Variants in PLXNC1 observed in about 807,000 individuals in gnomAD.
PLXNC1 encodes plexin-C1.
In PLXNC1, 75 loss-of-function variants were observed where a neutral mutation model predicts 178.2. That is an observed-to-expected ratio of 0.42 (90% CI 0.35 to 0.51). PLXNC1 has a LOEUF of 0.51. Ranked by LOEUF, PLXNC1 falls within the 20% of genes least tolerant of loss-of-function variation. The probability of loss-of-function intolerance (pLI) is 0.02; values close to 1 mark genes in which losing one functional copy is unlikely to be tolerated. For synonymous variants in PLXNC1, 790 were observed against 779.9 expected, an observed-to-expected ratio of 1.01 and a Z score of -0.22; for missense variants, 1,503 against 1,984.4, an observed-to-expected ratio of 0.76 and a Z score of 4.61.
chr12:94,295,749 A>G (rs778751478), intron 24 of PLXNC1, among the ~76,000 whole-genome samples: 1 of 152,120 alleles, frequency 6.6e-6, no homozygotes, highest in African/African-American at 2.4e-5. Context: ...CTATAAGTTC[A>G]TGGTACCCAA....
At chr12:94,218,523 C>T (rs1963707177) in intron 5 of PLXNC1, among the ~76,000 whole-genome samples, 2 of 152,150 alleles carry the variant, frequency 1.3e-5, no homozygotes, top group African/African-American at 2.4e-5. Context: ...ACTTAGCGCT[C>T]ATTCCCATCA....
rs1592785068 is a variant in PLXNC1, at chr12:94,226,371, G to A, written c.1791-234G>A. Reference sequence around the variant, plus strand: ...TTGGGTTCCTATTATCTACAGACCAGCAGGTGACCCAGCTTCAGGTTTCCA... The same window carrying A: ...TTGGGTTCCTATTATCTACAGACCAACAGGTGACCCAGCTTCAGGTTTCCA... On this transcript the variant is annotated intron_variant, in intron 7 of 30. Transcript: ENST00000258526. 1.7e-5 allele frequency: 8 copies of A among 457,152 alleles called. No homozygotes were observed. In the East Asian group the frequency reaches 3.4e-4, roughly 19 times the overall value. 28.3% of individuals were successfully genotyped at this position (457,152 alleles called of 1,614,324 possible).
Position 94,248,041 on chromosome 12 carries a change from G to A in PLXNC1, c.2527G>A (p.Asp843Asn). 1 of 1,614,100 alleles carries A rather than the reference G, an allele frequency of 6.2e-7. No individual in the cohort carries two copies. Among genetic ancestry groups the A allele is most frequent in the Non-Finnish European group, 8.5e-7 (1 of 1,179,972 alleles). ...TTGTGGAACCCTGCAGTATCGGGAG[G>A]ACCCCAGATTCACGGGGTATCGGGT... ...LDCGTLQYRE[D>N]PRFTGYRVES... The change falls in exon 13 of 31, where the codon GAC becomes AAC. Residue 843 changes from aspartate to asparagine, a missense_variant. This residue lies in a region of PLXNC1 where 639 missense variants were observed against 979.7 expected (regional missense o/e 0.65). Coordinates refer to ENST00000258526, the MANE Select transcript of PLXNC1 (RefSeq NM_005761.3).
chr12:94,280,601 T>C (rs2136139072), intron 22 of PLXNC1, among the ~76,000 whole-genome samples: 1 of 152,302 alleles, frequency 6.6e-6, no homozygotes. Flanking sequence ...CTTCCTTCCT[T>C]GGGTGACCGT....
At chr12:94,216,257 A>G (rs1202655284) in intron 5 of PLXNC1, among the ~76,000 whole-genome samples, 1 of 114,674 alleles carries the variant, frequency 8.7e-6, no homozygotes, top group Non-Finnish European at 1.9e-5. Context: ...GACAAGAGCA[A>G]AACTGTGTCT....
At chr12:94,262,539 C>T (rs1965021302) in intron 20 of PLXNC1, 2 of 985,452 alleles carry the variant, frequency 2.0e-6, no homozygotes, top group Non-Finnish European at 2.4e-6. Flanking sequence ...GATTCAAGAG[C>T]GTCTCGAGCA....
chr12:94,240,779 C>T (rs1006709737), intron 11 of PLXNC1, 115 bp downstream of exon 11: 56 of 815,054 alleles, frequency 6.9e-5, no homozygotes, highest in South Asian at 5.8e-4. Flanking sequence ...TTCCTCTCAC[C>T]GAGTTCTCCT....
chr12:94,196,333 G>A (rs968887221), intron 4 of PLXNC1, among the ~76,000 whole-genome samples: 1 of 152,132 alleles, frequency 6.6e-6, no homozygotes, highest in East Asian at 1.9e-4. Flanking sequence ...GCAATAGTGA[G>A]CGAGTTCTCA....
chr12:94,298,724 C>CT lies in PLXNC1; in HGVS notation c.4172dup (p.Leu1391PhefsTer6). 2 of 1,612,700 alleles carry CT rather than the reference C, an allele frequency of 1.2e-6. No individual in the cohort carries two copies. Among genetic ancestry groups the CT allele is most frequent in the Non-Finnish European group, 8.5e-7 (1 of 1,179,678 alleles). On this transcript the variant is annotated frameshift_variant, in exon 27 of 31. Transcript: ENST00000258526. LOFTEE classifies it high-confidence loss of function. ...CATTTGCTATAAAATACTTTTTTGA[C>CT]TTTTTGGACGCCCAGGCTGAAAACA... is the stretch of plus-strand genomic sequence containing the variant.
At position 94,149,395 on chromosome 12, in the gene PLXNC1, C is replaced by G; in HGVS notation, c.424C>G (p.Leu142Val). 2 of 1,432,480 alleles carry G rather than the reference C, an allele frequency of 1.4e-6. No homozygotes were observed. The highest frequency in any genetic ancestry group is 1.8e-6 in the Non-Finnish European group (2 of 1,103,286). 88.7% of individuals were successfully genotyped at this position (1,432,480 alleles called of 1,614,324 possible). A position where few individuals can be genotyped will look rare whatever the true frequency, so the allele number is the denominator to read the frequency against. Residue 142 changes from leucine (L) to valine (V), a missense_variant, in exon 1 of 31, where the codon CTG becomes GTG. Around this residue, in one of 4 missense-constraint regions of PLXNC1, gnomAD observed 73 missense variants for 125.4 expected, o/e 0.58. Transcript: ENST00000258526. ...CTGCGAGGTGCGGCCCCTGGGCAAC[C>G]TGAGCCGCAACTCCCTGCGCAACGG... The part of the protein sequence containing the change: ...GACEVRPLGN[L>V]SRNSLRNGTE...
At chr12:94,210,129 T>C (rs1384221405) in intron 5 of PLXNC1, among the ~76,000 whole-genome samples, 2 of 152,262 alleles carry the variant, frequency 1.3e-5, no homozygotes, top group African/African-American at 2.4e-5. Context: ...CTTATCCTAA[T>C]GTGTTGAGGC....
At chr12:94,262,790 G>T (rs907470602) in intron 20 of PLXNC1, 1 of 984,350 alleles carries the variant, frequency 1.0e-6, no homozygotes, top group Non-Finnish European at 1.2e-6. Flanking sequence ...AGACACCAAG[G>T]ATTTGTGGGT....
At chr12:94,229,797 G>A (rs531196539) in intron 9 of PLXNC1, among the ~76,000 whole-genome samples, 1 of 152,142 alleles carries the variant, frequency 6.6e-6, no homozygotes, top group African/African-American at 2.4e-5. Flanking sequence ...GATTACTGTA[G>A]CTTTGTAAAG....
intron 4 of PLXNC1, among the ~76,000 whole-genome samples, chr12:94,187,908 GAGA>G (rs1962579885): frequency 6.6e-6 from 1 of 152,076 alleles, no homozygotes; most frequent in South Asian, 2.1e-4. Context: ...TGATTGAGGA[GAGA>G]AGTTTGAGAA....
chr12:94,217,912 G>A (rs1963690646), intron 5 of PLXNC1, among the ~76,000 whole-genome samples: 1 of 152,158 alleles, frequency 6.6e-6, no homozygotes, highest in South Asian at 2.1e-4. Context: ...CAAGCTTGAT[G>A]AACATTTATG....
rs917413924 is a variant in PLXNC1, at chr12:94,149,380, C to T, written c.409C>T (p.Arg137Trp). The T allele has an allele frequency of 1.4e-6, 2 of 1,425,870 alleles. No homozygotes were observed. The highest frequency in any genetic ancestry group is 1.8e-6 in the Non-Finnish European group (2 of 1,100,560). The allele number at this position is 1,425,870 out of a possible 1,614,324, so 88.3% of individuals were successfully genotyped here. A position where few individuals can be genotyped will look rare whatever the true frequency, so the allele number is the denominator to read the frequency against. Residue 137 changes from arginine to tryptophan, a missense_variant, in exon 1 of 31, where the codon CGG becomes TGG. This residue lies in a region of PLXNC1 where 73 missense variants were observed against 125.4 expected (regional missense o/e 0.58). Coordinates refer to ENST00000258526, the MANE Select transcript of PLXNC1 (RefSeq NM_005761.3). Reference protein sequence around the residue: ...WTFDRGACEVRPLGNLSRNSL... With the variant: ...WTFDRGACEVWPLGNLSRNSL... Reference sequence around the variant, plus strand: ...CTTCGACCGGGGCGCCTGCGAGGTGCGGCCCCTGGGCAACCTGAGCCGCAA... The same window carrying T: ...CTTCGACCGGGGCGCCTGCGAGGTGTGGCCCCTGGGCAACCTGAGCCGCAA...
At chr12:94,160,857 A>G (rs1483046748) in intron 1 of PLXNC1, among the ~76,000 whole-genome samples, 1 of 152,242 alleles carries the variant, frequency 6.6e-6, no homozygotes, top group Non-Finnish European at 1.5e-5. Flanking sequence ...AGGTATAGTA[A>G]TGTATCTTAA....
chr12:94,180,186 T>A (rs1267699164), intron 2 of PLXNC1, among the ~76,000 whole-genome samples: 1 of 152,162 alleles, frequency 6.6e-6, no homozygotes, highest in Non-Finnish European at 1.5e-5. Flanking sequence ...GACCCTTGAT[T>A]ATCATTCCCC....
intron 5 of PLXNC1, among the ~76,000 whole-genome samples, chr12:94,217,685 C>T (rs1385619515): frequency 6.6e-6 from 1 of 152,190 alleles, no homozygotes; most frequent in Non-Finnish European, 1.5e-5. Flanking sequence ...CATGCCACTT[C>T]TAAGGGGTAC....
Sources: allele counts gnomAD v4.1 joint callset (sites outside exome capture counted in the v4.1 genomes callset), GRCh38; gene constraint gnomAD v4.1.1; regional missense constraint gnomAD v4.1.1; transcripts MANE v1.5; gene names NCBI Gene and HGNC (gene_info 2026-07-23, HGNC 2026-07-21).